Variants in FBXW8 observed in about 807,000 individuals in gnomAD.
FBXW8 encodes the protein F-box/WD repeat-containing protein 8.
Under a neutral mutation model 65.3 loss-of-function variants are expected in FBXW8, and 57 were observed. That is an observed-to-expected ratio of 0.87 (90% CI 0.71 to 1.09). The LOEUF is 1.09. FBXW8 is among the 50% of genes least tolerant of loss of function. The pLI is 0.00. For missense variants in FBXW8, 777 were observed against 814.8 expected, an observed-to-expected ratio of 0.95 and a Z score of 0.57; for synonymous variants, 308 against 330.2, an observed-to-expected ratio of 0.93 and a Z score of 0.73.
intron 5 of FBXW8, among the ~76,000 whole-genome samples, chr12:116,969,465 T>C (rs556996023): frequency 6.6e-6 from 1 of 152,314 alleles, no homozygotes; most frequent in South Asian, 2.1e-4. Flanking sequence ...ATAGCTACTT[T>C]TGGGCAAAGA....
At position 116,931,938 on chromosome 12, in the gene FBXW8, G is replaced by C. The variant is rs1052887869; in HGVS notation, c.423+3811G>C. 2.0e-5 allele frequency among the ~76,000 whole-genome samples: 3 copies of C among 152,042 alleles called. No homozygotes were observed. The South Asian group carries it at 6.2e-4, about 32-fold the overall frequency. The stretch of plus-strand genomic sequence containing the variant: ...ATCCTTGTCTTATTCCTGAAGAAAA[G>C]CTTTCAACTTTTTACTAAGTATGAC... On this transcript the variant is annotated intron_variant, in intron 2 of 10. Coordinates refer to ENST00000652555, the MANE Select transcript of FBXW8 (RefSeq NM_153348.3).
chr12:117,013,793 A>G (rs953126994), intron 8 of FBXW8, among the ~76,000 whole-genome samples: 4 of 152,038 alleles, frequency 2.6e-5, no homozygotes, highest in Non-Finnish European at 5.9e-5. Context: ...CAATGAAATG[A>G]AAGTATATAT....
At position 117,024,186 on chromosome 12, in the gene FBXW8, G is replaced by A. The variant is rs746607426; in HGVS notation, c.1407G>A (p.Leu469=). Residue 469 remains leucine, a synonymous_variant, in exon 9 of 11, where the codon CTG becomes CTA. Transcript: ENST00000652555. The stretch of plus-strand genomic sequence containing the variant: ...ACCTCCGCAGTGGTAACATCGCCCT[G>A]TCGCTCTCCGCCCATCAGCTCAGGG... ...IHDLRSGNIA[L]SLSAHQLRVS... is the part of the protein sequence containing the mutation. The A allele has an allele frequency of 1.9e-6, 3 of 1,614,182 alleles. No homozygotes were observed. Among genetic ancestry groups the A allele is most frequent in the South Asian group, 1.1e-5 (1 of 91,082 alleles).
rs751382989 is a variant in FBXW8, at chr12:116,945,344, T to C, written c.424-20T>C. 1.9e-6 allele frequency: 3 copies of C among 1,594,832 alleles called. No individual in the cohort carries two copies. In the South Asian group the frequency reaches 3.4e-5, roughly 18 times the overall value. ...CTCTAATTGCAGAATTTGACATTTGTGTCACTTCTGCTGTTTTAGGTGAGC... is the reference window on the plus strand; with the variant it reads ...CTCTAATTGCAGAATTTGACATTTGCGTCACTTCTGCTGTTTTAGGTGAGC... On this transcript the variant is annotated intron_variant, in intron 2 of 10. Coordinates refer to ENST00000652555, the MANE Select transcript of FBXW8 (RefSeq NM_153348.3).
At chr12:116,953,789 AAAAC>A (rs999857160) in intron 4 of FBXW8, among the ~76,000 whole-genome samples, 8 of 148,092 alleles carry the variant, frequency 5.4e-5, no homozygotes, top group Non-Finnish European at 1.0e-4. Context: ...AAAAGACAAA[AAAAC>A]AAAACAAAAC....
intron 7 of FBXW8, among the ~76,000 whole-genome samples, chr12:117,009,391 C>T (rs1269300195): frequency 1.3e-5 from 2 of 152,000 alleles, no homozygotes; most frequent in Non-Finnish European, 2.9e-5. Context: ...GACCCTGTTC[C>T]CCCACCCCCT....
intron 5 of FBXW8, among the ~76,000 whole-genome samples, chr12:116,975,317 A>G (rs1251163697): frequency 6.6e-6 from 1 of 152,246 alleles, no homozygotes; most frequent in Non-Finnish European, 1.5e-5. Context: ...ACATTTCTGG[A>G]GGCTGGAAAG....
At chr12:116,934,854 C>A (rs1315143041) in intron 2 of FBXW8, among the ~76,000 whole-genome samples, 1 of 152,142 alleles carries the variant, frequency 6.6e-6, no homozygotes, top group African/African-American at 2.4e-5. Flanking sequence ...ATTTGTGTGA[C>A]CACCACCGCA....
chr12:116,934,206 GT>G (rs895197755), intron 2 of FBXW8, among the ~76,000 whole-genome samples: 2 of 151,942 alleles, frequency 1.3e-5, no homozygotes, highest in Non-Finnish European at 2.9e-5. Flanking sequence ...GAGGCTTTAT[GT>G]TTTGAAAACT....
At chr12:117,002,832 G>A (rs1953566593) in intron 7 of FBXW8, 1 of 152,020 alleles carries the variant, frequency 6.6e-6, no homozygotes, top group Non-Finnish European at 1.5e-5. Flanking sequence ...TCTCATTCCT[G>A]TTTTTTTAAA....
chr12:116,985,270 A>C lies in FBXW8; in HGVS notation c.900A>C (p.Ala300=). 1 of 1,614,182 alleles carries C rather than the reference A, an allele frequency of 6.2e-7. No homozygotes were observed. The highest frequency in any genetic ancestry group is 8.5e-7 in the Non-Finnish European group (1 of 1,180,034). ...CTGTTCATCGTTTTGAGCACGATGC[A>C]AGAATACAGGCACTAGCCCTCAGCC... ...KYPVHRFEHD[A]RIQALALSQD... The change falls in exon 6 of 11, where the codon GCA becomes GCC. Residue 300 remains alanine (A), a synonymous_variant. Transcript: ENST00000652555.
At chr12:116,921,897 A>G (rs1380972231) in intron 1 of FBXW8, among the ~76,000 whole-genome samples, 1 of 133,192 alleles carries the variant, frequency 7.5e-6, no homozygotes, top group East Asian at 2.2e-4. Flanking sequence ...TGGTGTGATC[A>G]TGGCTCTGTA....
intron 5 of FBXW8, among the ~76,000 whole-genome samples, chr12:116,984,662 C>T (rs2135668163): frequency 6.6e-6 from 1 of 152,284 alleles, no homozygotes; most frequent in East Asian, 1.9e-4. Context: ...AGCCAAAACA[C>T]AGCCAAAACT....
At position 117,024,287 on chromosome 12, in the gene FBXW8, G is replaced by A. The variant is rs760745222; in HGVS notation, c.1508G>A (p.Arg503Gln). The A allele has an allele frequency of 7.3e-5, 118 of 1,614,182 alleles. No homozygotes were observed. Among genetic ancestry groups the A allele is most frequent in the African/African-American group, 1.5e-4 (11 of 75,046 alleles). Reference protein sequence around the residue: ...EEGLVSVWDYRMNQKLWEVYS... With the variant: ...EEGLVSVWDYQMNQKLWEVYS... ...GGCCTGGTGTCCGTGTGGGATTATC[G>A]GATGAACCAGAAGCTGTGGGAGGTG... The change falls in exon 9 of 11, where the codon CGG becomes CAG. Residue 503 changes from arginine to glutamine, a missense_variant. Arg to Gln is a conservative substitution (Grantham distance 43). Transcript: ENST00000652555.
chr12:116,940,029 C>T (rs1008111790), intron 2 of FBXW8, among the ~76,000 whole-genome samples: 7 of 152,182 alleles, frequency 4.6e-5, no homozygotes, highest in Admixed American at 1.3e-4. Flanking sequence ...GTCGTTATCC[C>T]GTTCTTTATT....
chr12:116,962,772 T>G (rs772482534), intron 4 of FBXW8, among the ~76,000 whole-genome samples: 4 of 152,208 alleles, frequency 2.6e-5, no homozygotes, highest in Non-Finnish European at 4.4e-5. Flanking sequence ...AGTCTAGACA[T>G]TCAAACATGT....
chr12:116,959,063 TAGAG>T (rs1158827346), intron 4 of FBXW8, among the ~76,000 whole-genome samples: 2 of 152,176 alleles, frequency 1.3e-5, no homozygotes, highest in East Asian at 3.9e-4. Flanking sequence ...TATGATCCTG[TAGAG>T]AAAGAAGTCT....
intron 7 of FBXW8, among the ~76,000 whole-genome samples, chr12:117,001,304 C>T (rs1565935552): frequency 6.6e-6 from 1 of 152,194 alleles, no homozygotes; most frequent in African/African-American, 2.4e-5. Context: ...GCTTCCCAGT[C>T]TCCCCCTGGG....
intron 8 of FBXW8, among the ~76,000 whole-genome samples, chr12:117,017,742 CAGA>C (rs1433277112): frequency 6.6e-6 from 1 of 152,142 alleles, no homozygotes; most frequent in Non-Finnish European, 1.5e-5. Context: ...GAAATATTAG[CAGA>C]AGGTCAGGTC....
Sources: allele counts gnomAD v4.1 joint callset (sites outside exome capture counted in the v4.1 genomes callset), GRCh38; gene constraint gnomAD v4.1.1; transcripts MANE v1.5; gene names NCBI Gene and HGNC (gene_info 2026-07-23, HGNC 2026-07-21).